TENM2: variants seen among roughly 807,000 people sequenced by gnomAD.
TENM2 encodes teneurin-2.
Under a neutral mutation model 245.2 loss-of-function variants are expected in TENM2, and 52 were observed. That is an observed-to-expected ratio of 0.21 (90% CI 0.17 to 0.27). TENM2 has a LOEUF of 0.27. Ranked by LOEUF, TENM2 falls within the 10% of genes least tolerant of loss-of-function variation. The pLI is 1.00. For synonymous variants in TENM2, 1,363 were observed against 1,438.9 expected (o/e 0.95, Z 1.19); for missense variants, 3,046 against 3,666.8 (o/e 0.83, Z 4.37).
At chr5:168,162,958 GGGGTTGATACTGGCT>G (rs1381301109) in intron 13 of TENM2, among the ~76,000 whole-genome samples, 2 of 152,198 alleles carry the variant, frequency 1.3e-5, no homozygotes, top group Admixed American at 6.5e-5. Flanking sequence ...GGAGGCACTG[GGGGTTGATACTGGCT>G]GAGAATTCCC....
chr5:168,191,615 A>G (rs1346373362), intron 14 of TENM2, among the ~76,000 whole-genome samples: 3 of 146,264 alleles, frequency 2.1e-5, no homozygotes, highest in Non-Finnish European at 4.6e-5. Context: ...AGCCCTGACG[A>G]CCCCCATTGT....
chr5:167,464,815 A>G (rs1210251626), intron 2 of TENM2, among the ~76,000 whole-genome samples: 1 of 152,230 alleles, frequency 6.6e-6, no homozygotes, highest in Non-Finnish European at 1.5e-5. Flanking sequence ...TTTCATTAGT[A>G]TTAGCAAGAG....
At chr5:167,277,106 A>G in the TENM2 span, among the ~76,000 whole-genome samples, 1 of 151,920 alleles carries the variant, frequency 6.6e-6, no homozygotes, top group African/African-American at 2.4e-5. Context: ...TTTCAGTTTC[A>G]TTGATTTGGG....
intron 6 of TENM2, among the ~76,000 whole-genome samples, chr5:168,050,338 TG>T (rs1227082093): frequency 6.6e-6 from 1 of 152,212 alleles, no homozygotes; most frequent in Non-Finnish European, 1.5e-5. Context: ...GGTTTGAATT[TG>T]TATACCCAGT....
rs34812394 is a variant in TENM2 at position 167,909,910 on chromosome 5, CTT to C, written c.712+33730_712+33731del. Among the ~76,000 whole-genome samples the C allele has an allele frequency of 5.1e-3, 684 of 134,722 alleles. 4 individuals are homozygous for C. Among genetic ancestry groups the C allele is most frequent in the African/African-American group, 0.014 (516 of 37,108 alleles). 88.4% of individuals were successfully genotyped at this position (134,722 alleles called of 152,430 possible). A position where few individuals can be genotyped will look rare whatever the true frequency, so the allele number is the denominator to read the frequency against. The stretch of plus-strand genomic sequence containing the variant: ...CCTGGCTTTGAAATTGTGAGTAAGG[CTT>C]TTTTTTTTTTTTTTCCAGCATAAAC... On this transcript the variant is annotated intron_variant, in intron 3 of 28. Coordinates refer to ENST00000518659, the Ensembl canonical transcript of TENM2.
chr5:168,000,937 C>T (rs554042057), intron 5 of TENM2, among the ~76,000 whole-genome samples: 4 of 121,568 alleles, frequency 3.3e-5, no homozygotes, highest in African/African-American at 1.2e-4. Flanking sequence ...CTAGCCACTG[C>T]ACACCAGGTC....
intron 5 of TENM2, among the ~76,000 whole-genome samples, chr5:168,030,978 G>C (rs1787092563): frequency 6.6e-6 from 1 of 152,162 alleles, no homozygotes; most frequent in African/African-American, 2.4e-5. Context: ...TAACTTCAGA[G>C]AAGGTTGGTG....
rs756942470 is a variant in TENM2, at chr5:167,867,389, C to T, written c.503-8597C>T. ...GAGATATAGAAACGACACCCAAATG[C>T]ATAGGGTCTCAAACTGTGAAGATAG... On this transcript the variant is annotated intron_variant, in intron 2 of 28. Transcript: ENST00000518659. Among the ~76,000 whole-genome samples the T allele has an allele frequency of 3.3e-5, 5 of 152,168 alleles. 1 individual carries two copies. Among genetic ancestry groups the T allele is most frequent in the Non-Finnish European group, 4.4e-5 (3 of 68,038 alleles).
intron 2 of TENM2, among the ~76,000 whole-genome samples, chr5:167,792,780 C>T (rs1056976721): frequency 3.3e-5 from 5 of 150,816 alleles, no homozygotes; most frequent in African/African-American, 1.2e-4. Flanking sequence ...AGGTACTGTT[C>T]TGTTAACAGG....
chr5:167,703,530 C>CAAGAAAAAAAA (rs1758306187), intron 2 of TENM2, among the ~76,000 whole-genome samples: 1 of 97,170 alleles, frequency 1.0e-5, no homozygotes, highest in African/African-American at 3.2e-5. Flanking sequence ...GAAACCATCT[C>CAAGAAAAAAAA]AAAAAAAAAA....
intron 5 of TENM2, among the ~76,000 whole-genome samples, chr5:167,998,875 T>C (rs552118866): frequency 6.6e-6 from 1 of 152,328 alleles, no homozygotes; most frequent in South Asian, 2.1e-4. Flanking sequence ...TTCAGTTTCT[T>C]TTGAAAACAA....
intron 2 of TENM2, among the ~76,000 whole-genome samples, chr5:167,609,485 A>T: frequency 1.2e-5 from 1 of 83,110 alleles, no homozygotes; most frequent in South Asian, 4.8e-4. Context: ...TTGCCTGATG[A>T]TGCAAAAAAA....
the TENM2 span, among the ~76,000 whole-genome samples, chr5:167,129,964 C>T: frequency 2.0e-5 from 3 of 152,048 alleles, no homozygotes; most frequent in Non-Finnish European, 4.4e-5. Flanking sequence ...AGGGAAAAAT[C>T]CTGTTCCATA....
the TENM2 span, among the ~76,000 whole-genome samples, chr5:167,262,188 G>A: frequency 3.3e-5 from 5 of 151,992 alleles, no homozygotes; most frequent in African/African-American, 4.8e-5. Flanking sequence ...GAGAAACCTC[G>A]TCTCTACTAA....
At chr5:167,706,545 T>C (rs1010910931) in intron 2 of TENM2, among the ~76,000 whole-genome samples, 1 of 151,968 alleles carries the variant, frequency 6.6e-6, no homozygotes, top group Non-Finnish European at 1.5e-5. Flanking sequence ...TAAATAATGC[T>C]GCAGTGAACA....
At chr5:167,383,931 G>T (rs1190532590) in intron 2 of TENM2, among the ~76,000 whole-genome samples, 1 of 151,944 alleles carries the variant, frequency 6.6e-6, no homozygotes, top group Non-Finnish European at 1.5e-5. Context: ...TGTCCAAAAG[G>T]CTTATGCTGA....
the TENM2 span, among the ~76,000 whole-genome samples, chr5:167,212,207 G>T: frequency 6.6e-6 from 1 of 152,236 alleles, no homozygotes; most frequent in Non-Finnish European, 1.5e-5. Flanking sequence ...TCTATGAAAA[G>T]GCTTCCCTTG....
intron 7 of TENM2, among the ~76,000 whole-genome samples, chr5:168,063,949 T>C (rs1790277581): frequency 6.6e-6 from 1 of 151,496 alleles, no homozygotes; most frequent in African/African-American, 2.4e-5. Context: ...TGGTAATCAG[T>C]GAGTCCTCCA....
At chr5:167,585,111 AG>A (rs1775395198) in intron 2 of TENM2, among the ~76,000 whole-genome samples, 2 of 152,174 alleles carry the variant, frequency 1.3e-5, no homozygotes, top group South Asian at 4.1e-4. Flanking sequence ...TTTGTTCCCA[AG>A]TCTTAGTCTA....
Sources: allele counts gnomAD v4.1 joint callset (sites outside exome capture counted in the v4.1 genomes callset), GRCh38; gene constraint gnomAD v4.1.1; transcripts MANE v1.5; gene names NCBI Gene and HGNC (gene_info 2026-07-23, HGNC 2026-07-21).